Variants in PPP2R2C observed in about 807,000 individuals in gnomAD.
PPP2R2C encodes protein phosphatase 2, regulatory subunit B, gamma.
A neutral mutation model predicts 45.3 loss-of-function variants in PPP2R2C; 10 were observed. The ratio of observed to expected loss-of-function variants is 0.22; its 90% CI spans 0.14 to 0.37. The LOEUF is 0.37. Ranked by LOEUF, PPP2R2C falls within the 10% of genes least tolerant of loss-of-function variation. The pLI, the probability that PPP2R2C is intolerant of heterozygous loss-of-function variation, is 1.00. For missense variants in PPP2R2C, 308 were observed against 619.7 expected, an observed-to-expected ratio of 0.50 and a Z score of 5.34; for synonymous variants, 257 against 245.4, an observed-to-expected ratio of 1.05 and a Z score of -0.44.
At chr4:6,470,572 G>C (rs2108768856) in intron 1 of PPP2R2C, among the ~76,000 whole-genome samples, 1 of 152,314 alleles carries the variant, frequency 6.6e-6, no homozygotes, top group African/African-American at 2.4e-5. Flanking sequence ...GGAGCAGCGG[G>C]GCAACCTGCC....
upstream of PPP2R2C, among the ~76,000 whole-genome samples, chr4:6,473,830 G>T (rs1319597539): frequency 6.6e-6 from 1 of 152,188 alleles, no homozygotes; most frequent in Non-Finnish European, 1.5e-5. Context: ...AGTTTTTGAA[G>T]CTACAGCTTT....
At chr4:6,440,370 CT>C (rs1720092698) in intron 1 of PPP2R2C, among the ~76,000 whole-genome samples, 3 of 152,212 alleles carry the variant, frequency 2.0e-5, no homozygotes, top group Admixed American at 2.0e-4. Context: ...TCAGGTCAGA[CT>C]CCCAATCCCA....
intron 1 of PPP2R2C, among the ~76,000 whole-genome samples, chr4:6,458,088 G>A (rs975279446): frequency 1.3e-5 from 2 of 152,210 alleles, no homozygotes; most frequent in African/African-American, 4.8e-5. Flanking sequence ...AGCTTCCCAA[G>A]ATCATGGATT....
In PPP2R2C at chr4:6,324,602, C is replaced by T. The variant is rs1305089501; in HGVS notation, c.1053-1009G>A. Among the ~76,000 whole-genome samples, 4 of 152,182 alleles carry T rather than the reference C, an allele frequency of 2.6e-5. No individual in the cohort carries two copies. The highest frequency in any genetic ancestry group is 4.8e-5 in the African/African-American group (2 of 41,450). ...CTTCCCTCCAGGGGCCCGCCTGTCC[C>T]GAGGACTCGGGCGAATAAACAAACA... is the stretch of plus-strand genomic sequence containing the variant. On this transcript the variant is annotated intron_variant, in intron 8 of 8. Coordinates refer to ENST00000382599, the MANE Select transcript of PPP2R2C (RefSeq NM_020416.4). This position sits in a 1 kb window ranked among gnomAD's most constrained non-coding sequence, Gnocchi z 4.1.
rs531907933 is a variant in PPP2R2C, at chr4:6,541,130, C to T, written c.-58-5753G>A. ...TGGAGGATCTTTCCCAAAAGCCCCA[C>T]CCAGTGATCTCAGCTTATGTCCCAT... is the stretch of plus-strand genomic sequence containing the variant. On this transcript the variant is annotated intron_variant, in intron 1 of 9. Transcript: ENST00000506140. Among the ~76,000 whole-genome samples the T allele has an allele frequency of 7.0e-4, 106 of 152,292 alleles. No homozygotes were observed. In the Middle Eastern group the frequency reaches 0.01, roughly 15 times the overall value.
intron 1 of PPP2R2C, among the ~76,000 whole-genome samples, chr4:6,408,501 T>C (rs1717950351): frequency 6.6e-6 from 1 of 152,264 alleles, no homozygotes; most frequent in Non-Finnish European, 1.5e-5. Flanking sequence ...GGTGGGAACC[T>C]GGGCCATCGT....
chr4:6,345,271 G>A lies in PPP2R2C; in HGVS notation c.790+2575C>T, dbSNP rs1711737590. On this transcript the variant is annotated intron_variant, in intron 6 of 8. Transcript: ENST00000382599. This position sits in a 1 kb window ranked among gnomAD's most constrained non-coding sequence, Gnocchi z 5.3. ...GACCTGGCTGTACACAGGCACAGCT[G>A]GAGGCACATGTGGCCTGAGTGAATG... Among the ~76,000 whole-genome samples the A allele has an allele frequency of 6.6e-6, 1 of 152,198 alleles. No individual in the cohort carries two copies. Among genetic ancestry groups the A allele is most frequent in the Admixed American group, 6.5e-5 (1 of 15,282 alleles).
At chr4:6,340,182 C>T (rs1478302381) in intron 6 of PPP2R2C, among the ~76,000 whole-genome samples, 2 of 152,172 alleles carry the variant, frequency 1.3e-5, no homozygotes, top group Admixed American at 6.5e-5. Flanking sequence ...TCAAGCCCAG[C>T]TGTGGCCCCC....
chr4:6,360,247 C>T (rs1247392772), intron 5 of PPP2R2C, among the ~76,000 whole-genome samples: 1 of 152,242 alleles, frequency 6.6e-6, no homozygotes, highest in South Asian at 2.1e-4. Flanking sequence ...GGCTCCCTAA[C>T]TTCCAGTCAG....
intron 2 of PPP2R2C, among the ~76,000 whole-genome samples, chr4:6,510,955 C>A (rs1577228494): frequency 8.0e-6 from 1 of 124,604 alleles, no homozygotes; most frequent in East Asian, 2.5e-4. Flanking sequence ...CCAGCCTCGG[C>A]AACAGAGTGA....
upstream of PPP2R2C, among the ~76,000 whole-genome samples, chr4:6,476,553 C>A (rs986453116): frequency 2.0e-5 from 3 of 152,150 alleles, no homozygotes; most frequent in Admixed American, 2.0e-4. Context: ...CAGGATCTGC[C>A]GGCACTTTGA....
rs567332958 is a variant in PPP2R2C, at chr4:6,366,039, G to A, written c.625+6484C>T. Among the ~76,000 whole-genome samples the A allele has an allele frequency of 9.5e-4, 145 of 152,304 alleles. 1 individual carries two copies. The highest frequency in any genetic ancestry group is 1.8e-3 in the Non-Finnish European group (125 of 68,016). The stretch of plus-strand genomic sequence containing the variant: ...CTTAAACAGACGTTGAAACTGCACC[G>A]TGGAAAACGGAGTTTTAACCATCAG... On this transcript the variant is annotated intron_variant, in intron 5 of 8. Transcript: ENST00000382599.
intron 1 of PPP2R2C, among the ~76,000 whole-genome samples, chr4:6,400,591 G>A (rs569862777): frequency 6.6e-6 from 1 of 152,332 alleles, no homozygotes; most frequent in East Asian, 1.9e-4. Context: ...TGATTTGGGT[G>A]TTTGATCTAC....
chr4:6,504,973 CAAAG>C (rs1383797968), intron 2 of PPP2R2C, among the ~76,000 whole-genome samples: 1 of 151,948 alleles, frequency 6.6e-6, no homozygotes, highest in Non-Finnish European at 1.5e-5. Context: ...GAAAAAAACA[CAAAG>C]AAAACCACAT....
chr4:6,414,036 A>G, intron 1 of PPP2R2C: 2 of 1,523,638 alleles, frequency 1.3e-6, no homozygotes, highest in Non-Finnish European at 1.8e-6. Flanking sequence ...CCAAATCTAG[A>G]GAATTATGCA....
chr4:6,493,859 C>T (rs752501855), intron 2 of PPP2R2C, among the ~76,000 whole-genome samples: 1 of 152,222 alleles, frequency 6.6e-6, no homozygotes, highest in Admixed American at 6.5e-5. Context: ...TAAAATCACA[C>T]AGCCTCGGTG....
At chr4:6,440,134 T>G (rs1232053860) in intron 1 of PPP2R2C, among the ~76,000 whole-genome samples, 1 of 152,168 alleles carries the variant, frequency 6.6e-6, no homozygotes, top group Non-Finnish European at 1.5e-5. Context: ...TCTGTCCACC[T>G]CTATCTCCCT....
chr4:6,411,577 G>T (rs190346279), intron 1 of PPP2R2C, among the ~76,000 whole-genome samples: 20 of 145,670 alleles, frequency 1.4e-4, no homozygotes, highest in African/African-American at 5.1e-4. Flanking sequence ...TTTTGAGAGG[G>T]AGTCTTGCTC....
intron 1 of PPP2R2C, among the ~76,000 whole-genome samples, chr4:6,454,392 C>T (rs1003475533): frequency 6.6e-6 from 1 of 152,162 alleles, no homozygotes; most frequent in Non-Finnish European, 1.5e-5. Flanking sequence ...TCAGGAAGGG[C>T]CAAGCAGCTT....
Sources: gnomAD v4.1 joint callset for allele counts (sites outside exome capture counted in the v4.1 genomes callset) on GRCh38, gnomAD v4.1.1 for gene constraint, Gnocchi (gnomAD v3.1) non-coding constraint, MANE v1.5 for transcripts, NCBI Gene and HGNC (gene_info 2026-07-23, HGNC 2026-07-21) for gene names.